STK31: variants seen among roughly 807,000 people sequenced by gnomAD.
The protein encoded by STK31 is serine/threonine kinase 31.
A neutral mutation model predicts 129.7 loss-of-function variants in STK31; 89 were observed. The ratio of observed to expected loss-of-function variants is 0.69; its 90% CI spans 0.58 to 0.82. STK31 has a LOEUF of 0.82. Ranked by LOEUF, STK31 falls within the 40% of genes least tolerant of loss-of-function variation. The probability of loss-of-function intolerance (pLI) is 0.00; values close to 1 mark genes in which losing one functional copy is unlikely to be tolerated. For synonymous variants in STK31, 448 were observed against 395.3 expected, an observed-to-expected ratio of 1.13 and a Z score of -1.58; for missense variants, 1,187 against 1,176.4, an observed-to-expected ratio of 1.01 and a Z score of -0.13.
At chr7:23,783,741 TAAACTTATAGTATCTTTTAAATAA>T (rs1791081902) in intron 17 of STK31, 78 bp downstream of exon 17, 1 of 1,157,916 alleles carries the variant, frequency 8.6e-7, no homozygotes, top group East Asian at 2.4e-5. Flanking sequence ...GTGTCAGTGT[TAAACTTATAGTATCTTTTAAATAA>T]AAATACTCCT....
At chr7:23,717,439 A>G (rs1368820518) in intron 3 of STK31, 42 bp from the exon 4 acceptor site, 2 of 1,415,582 alleles carry the variant, frequency 1.4e-6, no homozygotes, top group East Asian at 2.5e-5. Flanking sequence ...ACACTGTAAA[A>G]TAATATTTTA....
intron 5 of STK31, 106 bp downstream of exon 5, chr7:23,727,421 C>A: frequency 1.2e-6 from 1 of 868,706 alleles, no homozygotes; most frequent in South Asian, 1.5e-5. Context: ...AGTACTGATA[C>A]CTGGTTCAGT....
rs1025560053 is a variant in STK31 at position 23,727,121 on chromosome 7, A to G, written c.250-120A>G. On this transcript the variant is annotated intron_variant, in intron 4 of 23. Coordinates refer to ENST00000355870, the MANE Select transcript of STK31 (RefSeq NM_031414.5). ...CCTGCCTGATAGGATTGTGAGAATT[A>G]AATGAGTTATATATAAAGTACTTAT... 5.3e-6 allele frequency: 4 copies of G among 759,590 alleles called. No homozygotes were observed. The African/African-American group carries it at 7.1e-5, about 13-fold the overall frequency. 47.1% of individuals were successfully genotyped at this position (759,590 alleles called of 1,614,324 possible).
At position 23,820,793 on chromosome 7, in the gene STK31, G is replaced by C. The variant is rs1249334344; in HGVS notation, c.2829+5581G>C. Among the ~76,000 whole-genome samples the C allele has an allele frequency of 2.0e-5, 3 of 152,256 alleles. No homozygotes were observed. In the East Asian group the frequency reaches 5.8e-4, roughly 29 times the overall value. On this transcript the variant is annotated intron_variant, in intron 23 of 23. Transcript: ENST00000355870. ...TTTGATATTTGTCTTTCTGTGCCTG[G>C]CTTATTTCACTTTACAGAATGACTG...
intron 18 of STK31, 130 bp downstream of exon 18, chr7:23,785,733 G>C: frequency 8.2e-7 from 1 of 1,221,282 alleles, no homozygotes; most frequent in Non-Finnish European, 1.1e-6. Flanking sequence ...CATGATAATT[G>C]TGCTTGTAGT....
chr7:23,798,898 T>A (rs1307399702), intron 22 of STK31, among the ~76,000 whole-genome samples: 1 of 152,144 alleles, frequency 6.6e-6, no homozygotes, highest in Non-Finnish European at 1.5e-5. Context: ...TTCAGCAAAG[T>A]CTCAGGATAC....
At chr7:23,746,733 G>T (rs1052743814) in intron 8 of STK31, among the ~76,000 whole-genome samples, 4 of 152,088 alleles carry the variant, frequency 2.6e-5, no homozygotes, top group African/African-American at 9.7e-5. Context: ...TGTTGAGTAG[G>T]CTGAGGAGGA....
At chr7:23,811,476 T>C (rs142987178) in intron 22 of STK31, 71 of 311,632 alleles carry the variant, frequency 2.3e-4, no homozygotes, top group African/African-American at 1.5e-3. Flanking sequence ...GTGCTTTCAG[T>C]ACCTTCACCC....
intron 23 of STK31, among the ~76,000 whole-genome samples, chr7:23,822,208 C>T (rs1793824632): frequency 6.6e-6 from 1 of 152,050 alleles, no homozygotes; most frequent in South Asian, 2.1e-4. Flanking sequence ...TGCTTTGAAT[C>T]TGTAGATTTC....
At chr7:23,737,887 G>A (rs1301663666) in intron 8 of STK31, among the ~76,000 whole-genome samples, 1 of 146,522 alleles carries the variant, frequency 6.8e-6, no homozygotes, top group African/African-American at 2.6e-5. Context: ...GTGTGTGTGT[G>A]TGTGTGTATG....
chr7:23,748,007 C>T (rs1252455533), intron 8 of STK31, among the ~76,000 whole-genome samples: 1 of 152,060 alleles, frequency 6.6e-6, no homozygotes, highest in Non-Finnish European at 1.5e-5. Flanking sequence ...ATTTAATTTG[C>T]TAAAGGAGAT....
intron 23 of STK31, among the ~76,000 whole-genome samples, chr7:23,825,295 A>G (rs946413882): frequency 2.6e-5 from 4 of 152,190 alleles, no homozygotes; most frequent in Admixed American, 1.3e-4. Flanking sequence ...TGGTCTATTC[A>G]GAGATTCAAC....
chr7:23,753,359 A>T (rs1400830060), intron 9 of STK31, among the ~76,000 whole-genome samples: 7 of 152,014 alleles, frequency 4.6e-5, no homozygotes, highest in Admixed American at 4.6e-4. Flanking sequence ...AGTATGAGTG[A>T]GTGTGTGGAT....
At chr7:23,794,056 C>T (rs926159801) in intron 22 of STK31, among the ~76,000 whole-genome samples, 5 of 152,128 alleles carry the variant, frequency 3.3e-5, no homozygotes, top group Admixed American at 6.6e-5. Flanking sequence ...AGGAATAAAA[C>T]GATTGAACTA....
chr7:23,821,601 G>C (rs532205726), intron 23 of STK31, among the ~76,000 whole-genome samples: 26 of 152,180 alleles, frequency 1.7e-4, no homozygotes, highest in African/African-American at 6.3e-4. Flanking sequence ...TCAACAAATT[G>C]TCTCTTACAC....
At chr7:23,757,417 G>T (rs1270075798) in intron 10 of STK31, among the ~76,000 whole-genome samples, 1 of 152,172 alleles carries the variant, frequency 6.6e-6, no homozygotes, top group Non-Finnish European at 1.5e-5. Flanking sequence ...CCATCTCGGA[G>T]AGGGGGATGT....
In STK31 at chr7:23,729,268, A is replaced by G. The variant is rs1787257008; in HGVS notation, c.483+19A>G. ...TGATCAGGCAAGTCACGTATTTTAAATATTTTTGCTAATGAAAGTAAAACT... is the reference window on the plus strand; with the variant it reads ...TGATCAGGCAAGTCACGTATTTTAAGTATTTTTGCTAATGAAAGTAAAACT... On this transcript the variant is annotated intron_variant, in intron 6 of 23. Coordinates refer to ENST00000355870, the MANE Select transcript of STK31 (RefSeq NM_031414.5). The G allele has an allele frequency of 1.9e-6, 3 of 1,556,066 alleles. No homozygotes were observed. The highest frequency in any genetic ancestry group is 2.6e-6 in the Non-Finnish European group (3 of 1,157,776).
At chr7:23,802,406 A>G (rs980292172) in intron 22 of STK31, among the ~76,000 whole-genome samples, 3 of 152,214 alleles carry the variant, frequency 2.0e-5, no homozygotes. Context: ...TGATAAGTGA[A>G]GTCTGCTGGC....
chr7:23,825,964 A>T (rs1436662191), intron 23 of STK31, among the ~76,000 whole-genome samples: 1 of 152,112 alleles, frequency 6.6e-6, no homozygotes, highest in Non-Finnish European at 1.5e-5. Context: ...TCTGAGAGAC[A>T]GTTTGTTATA....
Sources: allele counts gnomAD v4.1 joint callset (sites outside exome capture counted in the v4.1 genomes callset), GRCh38; gene constraint gnomAD v4.1.1; transcripts MANE v1.5; gene names NCBI Gene and HGNC (gene_info 2026-07-23, HGNC 2026-07-21).